The following UBQLN1 variants were observed in gnomAD, a reference collection of about 807,000 sequenced individuals.
The protein encoded by UBQLN1 is ubiquilin 1.
Under a neutral mutation model 65.4 loss-of-function variants are expected in UBQLN1, and 13 were observed. That is an observed-to-expected ratio of 0.20 (90% confidence interval 0.13 to 0.32). The LOEUF is 0.32. Among genes scored for constraint, UBQLN1 ranks in the 10% least tolerant of loss-of-function variants. The pLI, the probability that UBQLN1 is intolerant of heterozygous loss-of-function variation, is 1.00. For synonymous variants in UBQLN1, 267 were observed against 247.8 expected (o/e 1.08, Z -0.73); for missense variants, 561 against 724.0 (o/e 0.77, Z 2.58).
chr9:83,678,099 G>T, intron 5 of UBQLN1, 138 bp from the exon 6 acceptor site: 1 of 673,932 alleles, frequency 1.5e-6, no homozygotes, highest in Non-Finnish European at 2.4e-6. Context: ...TCGGCTCACT[G>T]CAAGCTCCGC....
chr9:83,698,867 T>A (rs1587663276), intron 1 of UBQLN1, among the ~76,000 whole-genome samples: 1 of 151,770 alleles, frequency 6.6e-6, no homozygotes, highest in Non-Finnish European at 1.5e-5. Flanking sequence ...CAAGCCATGA[T>A]TGTGCCACTG....
Position 83,666,407 on chromosome 9 carries a change from A to G in UBQLN1, c.1275T>C (p.Ala425=). Residue 425 remains alanine, a synonymous_variant, in exon 8 of 11, where the codon GCT becomes GCC. Transcript: ENST00000376395. The part of the protein sequence containing the change: ...AQMMLNNPLF[A]GNPQLQEQMR... ...TTTGTTCTTGAAGCTGAGGATTTCC[A>G]GCAAATAGGGGATTATTCAGCATCA... is the stretch of plus-strand genomic sequence containing the variant. The G allele has an allele frequency of 6.2e-7, 1 of 1,613,892 alleles. No homozygotes were observed. The highest frequency in any genetic ancestry group is 8.5e-7 in the Non-Finnish European group (1 of 1,179,828).
chr9:83,683,228 C>G (rs942363831), intron 2 of UBQLN1, among the ~76,000 whole-genome samples, 162 bp from the exon 3 acceptor site: 2 of 151,882 alleles, frequency 1.3e-5, no homozygotes, highest in Admixed American at 1.3e-4. Flanking sequence ...CTGGCTAACA[C>G]AGTGAAACCC....
At chr9:83,704,975 A>G (rs897013070) in intron 1 of UBQLN1, among the ~76,000 whole-genome samples, 14 of 152,202 alleles carry the variant, frequency 9.2e-5, no homozygotes, top group African/African-American at 3.1e-4. Flanking sequence ...TTCTATTTAT[A>G]AAATACTGAT....
intron 7 of UBQLN1, 101 bp from the exon 8 acceptor site, chr9:83,666,534 A>T (rs1831646043): frequency 1.0e-5 from 11 of 1,048,306 alleles, no homozygotes; most frequent in Non-Finnish European, 1.6e-5. Flanking sequence ...GCTGGCACTT[A>T]AAAGGGAGGA....
intron 6 of UBQLN1, 21 bp downstream of exon 6, chr9:83,677,706 C>T (rs1831859833): frequency 6.4e-7 from 1 of 1,569,584 alleles, no homozygotes; most frequent in African/African-American, 1.4e-5. Flanking sequence ...AAGAAAAAAG[C>T]CTGAGTTGTT....
intron 8 of UBQLN1, among the ~76,000 whole-genome samples, chr9:83,665,863 T>C: frequency 6.6e-6 from 1 of 152,178 alleles, no homozygotes; most frequent in Non-Finnish European, 1.5e-5. Flanking sequence ...CTTACTTCCT[T>C]ATATGACAAC....
chr9:83,667,744 T>C (rs1194247751), intron 7 of UBQLN1: 96 of 977,424 alleles, frequency 9.8e-5, no homozygotes, highest in Non-Finnish European at 1.1e-4. Context: ...TTCTTATAAC[T>C]TACCTGAGTG....
chr9:83,677,506 G>A (rs1323787172), intron 6 of UBQLN1, among the ~76,000 whole-genome samples: 1 of 152,170 alleles, frequency 6.6e-6, no homozygotes, highest in Non-Finnish European at 1.5e-5. Flanking sequence ...AGGTTGCGGT[G>A]AGCTGAGATC....
At chr9:83,697,772 T>C (rs558629618) in intron 1 of UBQLN1, among the ~76,000 whole-genome samples, 2 of 143,232 alleles carry the variant, frequency 1.4e-5, no homozygotes, top group African/African-American at 2.6e-5. Context: ...GTCTCACTCT[T>C]ATCCCACAGG....
At chr9:83,691,984 T>C (rs148972185) in intron 1 of UBQLN1, among the ~76,000 whole-genome samples, 7 of 152,348 alleles carry the variant, frequency 4.6e-5, no homozygotes, top group African/African-American at 1.7e-4. Context: ...CTAATTTAGA[T>C]ACTAGAACCA....
At chr9:83,689,336 T>A (rs1230772321) in intron 1 of UBQLN1, among the ~76,000 whole-genome samples, 1 of 152,198 alleles carries the variant, frequency 6.6e-6, no homozygotes, top group African/African-American at 2.4e-5. Context: ...AGCATTTGGG[T>A]TGTTTCTGCC....
chr9:83,698,136 C>T (rs971352401), intron 1 of UBQLN1, among the ~76,000 whole-genome samples: 1 of 152,092 alleles, frequency 6.6e-6, no homozygotes, highest in Admixed American at 6.5e-5. Context: ...ATAAATCATG[C>T]CTGCAATAAA....
intron 3 of UBQLN1, among the ~76,000 whole-genome samples, 199 bp from the exon 4 acceptor site, chr9:83,680,236 TTAAAG>T (rs1287461906): frequency 6.6e-6 from 1 of 152,204 alleles, no homozygotes; most frequent in South Asian, 2.1e-4. Flanking sequence ...ACTTTGGTAA[TTAAAG>T]TAATAAAATC....
intron 7 of UBQLN1, chr9:83,668,650 A>G (rs1831681378): frequency 2.0e-6 from 2 of 985,188 alleles, no homozygotes; most frequent in African/African-American, 3.5e-5. Flanking sequence ...ACAAATTAGA[A>G]AAAGGAATAC....
chr9:83,696,974 C>T (rs1315889026), intron 1 of UBQLN1, among the ~76,000 whole-genome samples: 1 of 152,094 alleles, frequency 6.6e-6, no homozygotes, highest in Admixed American at 6.5e-5. Flanking sequence ...CAGAGTATTG[C>T]TATGTTGCCC....
chr9:83,707,589 A>T lies in UBQLN1; in HGVS notation c.91T>A (p.Ser31Thr). The T allele has an allele frequency of 6.2e-7, 1 of 1,605,888 alleles. No individual in the cohort carries two copies. Among genetic ancestry groups the T allele is most frequent in the South Asian group, 1.1e-5 (1 of 90,184 alleles). The change falls in exon 1 of 11, where the codon TCC (serine) becomes ACC (threonine). Residue 31 changes from serine (S) to threonine (T), a missense_variant. Ser to Thr is a moderately conservative substitution (Grantham distance 58). Around this residue, in one of 8 missense-constraint regions of UBQLN1, gnomAD observed 101 missense variants for 104.9 expected, o/e 0.96. Transcript: ENST00000376395. ...ACTTTCATGATTTTGGGCTCCGCGG[A>T]GGCAGCGGCCGCGGGGGCGCCAGCA... The part of the protein sequence containing the change: ...EGAGAPAAAA[S>T]AEPKIMKVTV...
Position 83,686,114 on chromosome 9 carries a change from G to A in UBQLN1, c.222C>T (p.Asp74=), listed in dbSNP as rs1160023181. ...TTCCAGCAAATATCAACACAAGTTG[G>A]TCAGTATGTGATTTAAAACGTTTAG... is the stretch of plus-strand genomic sequence containing the variant. ...EISKRFKSHT[D]QLVLIFAGKI... is the part of the protein sequence containing the mutation. The change falls in exon 2 of 11, where the codon GAC becomes GAT. Residue 74 remains aspartate (D), a synonymous_variant. Transcript: ENST00000376395. The A allele has an allele frequency of 6.3e-7, 1 of 1,591,356 alleles. No individual in the cohort carries two copies. Among genetic ancestry groups the A allele is most frequent in the Non-Finnish European group, 8.5e-7 (1 of 1,172,274 alleles).
At chr9:83,697,889 A>G (rs1832246599) in intron 1 of UBQLN1, among the ~76,000 whole-genome samples, 1 of 151,976 alleles carries the variant, frequency 6.6e-6, no homozygotes, top group Non-Finnish European at 1.5e-5. Flanking sequence ...GGCATGCACC[A>G]CCACACCTGG....
Sources: gnomAD v4.1 joint callset for allele counts (sites outside exome capture counted in the v4.1 genomes callset) on GRCh38, gnomAD v4.1.1 for gene constraint, gnomAD v4.1.1 regional missense constraint, MANE v1.5 for transcripts, NCBI Gene and HGNC (gene_info 2026-07-23, HGNC 2026-07-21) for gene names.